The following PALM2AKAP2 variants were observed in gnomAD, a reference collection of about 807,000 sequenced individuals.
PALM2AKAP2 encodes the protein PALM2-AKAP2 fusion protein.
Under a neutral mutation model 71.5 loss-of-function variants are expected in PALM2AKAP2, and 37 were observed. That is an observed-to-expected ratio of 0.52 (90% CI 0.40 to 0.68). The LOEUF (loss-of-function observed/expected upper bound fraction) is 0.68. PALM2AKAP2 is among the 30% of genes least tolerant of loss of function. The pLI is 0.00. For synonymous variants in PALM2AKAP2, 468 were observed against 478.8 expected (o/e 0.98, Z 0.29); for missense variants, 1,224 against 1,191.8 (o/e 1.03, Z -0.40).
At chr9:110,118,746 T>A (rs1258819147) in intron 1 of PALM2AKAP2, among the ~76,000 whole-genome samples, 1 of 152,206 alleles carries the variant, frequency 6.6e-6, no homozygotes, top group South Asian at 2.1e-4. Context: ...GAAGCTTACC[T>A]ACACCTGATG....
intron 6 of PALM2AKAP2, among the ~76,000 whole-genome samples, chr9:109,958,694 AAGGAG>A (rs995238657): frequency 1.3e-5 from 2 of 152,144 alleles, no homozygotes; most frequent in African/African-American, 4.8e-5. Context: ...GAAGGAGAGG[AAGGAG>A]AGGAAGGAAG....
chr9:109,681,730 C>A (rs1301011772), intron 1 of PALM2AKAP2, among the ~76,000 whole-genome samples: 1 of 152,112 alleles, frequency 6.6e-6, no homozygotes, highest in African/African-American at 2.4e-5. Context: ...ATGGGTAGTT[C>A]AAAAATATCA....
chr9:110,038,974 A>G (rs912011914), intron 7 of PALM2AKAP2, among the ~76,000 whole-genome samples: 5 of 151,310 alleles, frequency 3.3e-5, no homozygotes, highest in Admixed American at 1.3e-4. Flanking sequence ...GAAAACACTA[A>G]TAACGTTGGC....
At chr9:109,901,675 C>T (rs1213796267) in intron 3 of PALM2AKAP2, among the ~76,000 whole-genome samples, 3 of 152,060 alleles carry the variant, frequency 2.0e-5, no homozygotes, top group Non-Finnish European at 4.4e-5. Flanking sequence ...ATAATAAAGG[C>T]CGTTGTGAGG....
intron 7 of PALM2AKAP2, among the ~76,000 whole-genome samples, chr9:110,029,826 CT>C (rs1833246805): frequency 6.6e-6 from 1 of 152,186 alleles, no homozygotes. Flanking sequence ...CAGTTAATGT[CT>C]GAATAAATTA....
intron 1 of PALM2AKAP2, among the ~76,000 whole-genome samples, chr9:109,835,255 G>A (rs13298016): frequency 2.6e-5 from 3 of 114,626 alleles, no homozygotes; most frequent in African/African-American, 8.3e-5. Flanking sequence ...AGGAGAGGGT[G>A]TAAGGGAAGA....
intron 6 of PALM2AKAP2, among the ~76,000 whole-genome samples, chr9:109,940,498 G>A (rs573273672): frequency 9.9e-5 from 15 of 152,280 alleles, no homozygotes; most frequent in East Asian, 1.9e-4. Flanking sequence ...AGATATTTAC[G>A]TCTGGGATGG....
At chr9:109,831,119 T>C (rs981060417) in intron 1 of PALM2AKAP2, among the ~76,000 whole-genome samples, 3 of 149,102 alleles carry the variant, frequency 2.0e-5, no homozygotes, top group Non-Finnish European at 3.0e-5. Flanking sequence ...TTTTTTCCCA[T>C]TGATGGTTGT....
At chr9:109,713,216 T>C (rs1828267327) in intron 1 of PALM2AKAP2, among the ~76,000 whole-genome samples, 1 of 152,188 alleles carries the variant, frequency 6.6e-6, no homozygotes, top group African/African-American at 2.4e-5. Context: ...TCCTTCTTCT[T>C]GGGAGCTCTT....
chr9:109,956,631 C>T (rs375164603), intron 6 of PALM2AKAP2, among the ~76,000 whole-genome samples: 4 of 152,064 alleles, frequency 2.6e-5, no homozygotes, highest in African/African-American at 9.7e-5. Context: ...CTGTCACATA[C>T]CTTAACTCAG....
chr9:110,062,155 C>T (rs944482612), intron 1 of PALM2AKAP2, among the ~76,000 whole-genome samples: 4 of 152,086 alleles, frequency 2.6e-5, no homozygotes, highest in African/African-American at 7.2e-5. Flanking sequence ...CATAGGTAAA[C>T]GTGTGCCATG....
chr9:109,746,851 T>A (rs1032313573), intron 1 of PALM2AKAP2, among the ~76,000 whole-genome samples: 4 of 152,204 alleles, frequency 2.6e-5, no homozygotes, highest in Non-Finnish European at 4.4e-5. Context: ...GGCTTCTAGT[T>A]GGCAGCAGCC....
At chr9:109,718,508 C>A (rs1171885435) in intron 1 of PALM2AKAP2, among the ~76,000 whole-genome samples, 1 of 152,136 alleles carries the variant, frequency 6.6e-6, no homozygotes, top group East Asian at 1.9e-4. Context: ...AGCTCACTGT[C>A]TGGATGTGGA....
chr9:109,807,801 A>G (rs1306953092), intron 1 of PALM2AKAP2, among the ~76,000 whole-genome samples: 4 of 152,062 alleles, frequency 2.6e-5, no homozygotes, highest in Non-Finnish European at 1.5e-5. Flanking sequence ...ATCCCCACAT[A>G]TTGTGGGAAG....
chr9:109,651,519 G>T (rs1827225207), intron 1 of PALM2AKAP2, among the ~76,000 whole-genome samples: 1 of 152,196 alleles, frequency 6.6e-6, no homozygotes, highest in Admixed American at 6.5e-5. Flanking sequence ...TATGCCATCT[G>T]CTTCCAGCTG....
chr9:110,120,205 T>C (rs1474285857), intron 1 of PALM2AKAP2, among the ~76,000 whole-genome samples: 1 of 152,212 alleles, frequency 6.6e-6, no homozygotes, highest in African/African-American at 2.4e-5. Flanking sequence ...AATAAGATTG[T>C]GATACATTTC....
At chr9:109,825,967 A>G (rs960835890) in intron 1 of PALM2AKAP2, among the ~76,000 whole-genome samples, 1 of 152,216 alleles carries the variant, frequency 6.6e-6, no homozygotes, top group African/African-American at 2.4e-5. Context: ...ACCAACCCAA[A>G]TGTCCAACAA....
At chr9:110,072,695 C>G (rs1001839803) in intron 1 of PALM2AKAP2, among the ~76,000 whole-genome samples, 2 of 152,160 alleles carry the variant, frequency 1.3e-5, no homozygotes, top group Admixed American at 6.5e-5. Context: ...TCTGAACCAC[C>G]TGGAGCCACA....
chr9:109,734,638 G>A (rs1828602926), intron 1 of PALM2AKAP2, among the ~76,000 whole-genome samples: 1 of 152,264 alleles, frequency 6.6e-6, no homozygotes, highest in Non-Finnish European at 1.5e-5. Context: ...AGGCAGGAGA[G>A]TCTCATCAAA....
Sources: allele counts gnomAD v4.1 joint callset (sites outside exome capture counted in the v4.1 genomes callset), GRCh38; gene constraint gnomAD v4.1.1; transcripts MANE v1.5; gene names NCBI Gene and HGNC (gene_info 2026-07-23, HGNC 2026-07-21).